AGBL1: variants seen among roughly 807,000 people sequenced by gnomAD.
The protein encoded by AGBL1 is cytosolic carboxypeptidase 4.
Under a neutral mutation model 118.9 loss-of-function variants are expected in AGBL1, and 130 were observed. That is an observed-to-expected ratio of 1.09 (90% CI 0.95 to 1.26). The LOEUF is 1.26. Ranked by LOEUF, AGBL1 falls within the 50% of genes most tolerant of loss-of-function variation. The pLI is 0.00. For missense variants in AGBL1, 1,584 were observed against 1,298.1 expected (o/e 1.22, Z -3.38); for synonymous variants, 555 against 478.9 (o/e 1.16, Z -2.08).
chr15:86,691,243 C>G (rs879618858), intron 22 of AGBL1, among the ~76,000 whole-genome samples: 4 of 152,118 alleles, frequency 2.6e-5, no homozygotes, highest in Non-Finnish European at 1.5e-5. Flanking sequence ...AAACACAAGG[C>G]TAATTATAAA....
intron 22 of AGBL1, among the ~76,000 whole-genome samples, chr15:86,837,003 A>G (rs768495107): frequency 6.6e-6 from 1 of 152,186 alleles, no homozygotes; most frequent in Non-Finnish European, 1.5e-5. Flanking sequence ...CTAATTTTGC[A>G]GTGCTCACAG....
chr15:86,326,999 G>T (rs965372023), intron 17 of AGBL1, among the ~76,000 whole-genome samples: 2 of 151,678 alleles, frequency 1.3e-5, no homozygotes, highest in Admixed American at 6.6e-5. Context: ...GTAGGAGAAG[G>T]ATTTGAGGAA....
intron 1 of AGBL1, among the ~76,000 whole-genome samples, chr15:86,132,063 G>T (rs894620875): frequency 6.6e-6 from 1 of 152,074 alleles, no homozygotes; most frequent in African/African-American, 2.4e-5. Flanking sequence ...GCTTCAGATT[G>T]GGGTAGGGAA....
At chr15:86,479,120 A>T (rs1391403522) in intron 18 of AGBL1, among the ~76,000 whole-genome samples, 1 of 152,258 alleles carries the variant, frequency 6.6e-6, no homozygotes, top group Non-Finnish European at 1.5e-5. Flanking sequence ...ACCTAAAACC[A>T]TAAAAACCCT....
chr15:86,895,378 T>A (rs960706652), intron 22 of AGBL1, among the ~76,000 whole-genome samples: 22 of 151,772 alleles, frequency 1.4e-4, no homozygotes, highest in African/African-American at 5.3e-4. Context: ...ACTTTCCAGT[T>A]CTTTATCTGA....
At chr15:86,587,102 AT>A (rs1374725015) in intron 21 of AGBL1, among the ~76,000 whole-genome samples, 2 of 152,170 alleles carry the variant, frequency 1.3e-5, no homozygotes, top group African/African-American at 4.8e-5. Flanking sequence ...TTACTGCTAA[AT>A]TATTCTGCTT....
chr15:86,780,657 C>CTTTTTTTTTTTTTTTTTTTTTTT (rs71144066), intron 22 of AGBL1, among the ~76,000 whole-genome samples: 1 of 143,004 alleles, frequency 7.0e-6, no homozygotes. Flanking sequence ...TCTTTAACTT[C>CTTTTTTTTTTTTTTTTTTTTTTT]TTTTTTTTTT....
At chr15:86,334,292 C>G (rs934624091) in intron 17 of AGBL1, among the ~76,000 whole-genome samples, 1 of 152,124 alleles carries the variant, frequency 6.6e-6, no homozygotes, top group Non-Finnish European at 1.5e-5. Flanking sequence ...CCACAAGGCT[C>G]CTAGAACTGA....
intron 5 of AGBL1, among the ~76,000 whole-genome samples, chr15:86,216,725 AT>A (rs1345932564): frequency 6.6e-6 from 1 of 152,168 alleles, no homozygotes; most frequent in Admixed American, 6.5e-5. Context: ...TTTAAAAAAA[AT>A]GTAGAGTTGT....
intron 21 of AGBL1, chr15:86,556,364 A>T (rs2142275083): frequency 3.9e-6 from 5 of 1,293,354 alleles, no homozygotes; most frequent in Admixed American, 1.8e-5. Flanking sequence ...ATGGAGGGAG[A>T]ACTGGCTAGA....
At chr15:86,884,678 G>A (rs1045611563) in intron 22 of AGBL1, among the ~76,000 whole-genome samples, 2 of 152,094 alleles carry the variant, frequency 1.3e-5, no homozygotes, top group African/African-American at 4.8e-5. Context: ...CAGATCTGGT[G>A]GTGTGCACCT....
chr15:86,410,839 T>TATATATATATATAAATAA (rs1311325970), intron 18 of AGBL1, among the ~76,000 whole-genome samples: 1 of 68,164 alleles, frequency 1.5e-5, no homozygotes, highest in Non-Finnish European at 2.7e-5. Flanking sequence ...TATATATATA[T>TATATATATATATAAATAA]ATAATATACT....
chr15:86,330,793 GA>G (rs1255468487), intron 17 of AGBL1, among the ~76,000 whole-genome samples: 1 of 152,018 alleles, frequency 6.6e-6, no homozygotes, highest in Admixed American at 6.5e-5. Context: ...AGAGTTTCTG[GA>G]ATTGGAAAAA....
chr15:86,990,580 T>A (rs536185963), intron 24 of AGBL1, among the ~76,000 whole-genome samples: 1 of 152,306 alleles, frequency 6.6e-6, no homozygotes, highest in African/African-American at 2.4e-5. Context: ...CAGCAAATAC[T>A]TTTATAGCAC....
intron 16 of AGBL1, among the ~76,000 whole-genome samples, chr15:86,292,294 T>G (rs1316256573): frequency 6.6e-6 from 1 of 151,964 alleles, no homozygotes; most frequent in Non-Finnish European, 1.5e-5. Context: ...GATGCAGAAG[T>G]CAGAGTGATG....
chr15:86,252,557 C>T (rs546887110), intron 7 of AGBL1, among the ~76,000 whole-genome samples: 2 of 152,256 alleles, frequency 1.3e-5, no homozygotes, highest in African/African-American at 4.8e-5. Context: ...GCAGTGTAGC[C>T]AGCAGGTGGG....
intron 21 of AGBL1, among the ~76,000 whole-genome samples, chr15:86,616,781 C>G (rs1189039987): frequency 6.6e-6 from 1 of 152,166 alleles, no homozygotes; most frequent in Admixed American, 6.5e-5. Context: ...CATCTCTACC[C>G]CTCAATTTCC....
chr15:86,173,633 A>G (rs1026182007), intron 5 of AGBL1, among the ~76,000 whole-genome samples: 1 of 152,134 alleles, frequency 6.6e-6, no homozygotes, highest in Non-Finnish European at 1.5e-5. Context: ...GCCGAGAGGT[A>G]GGGGTCTAGT....
chr15:86,450,247 A>G (rs902318862), intron 18 of AGBL1, among the ~76,000 whole-genome samples: 3 of 152,162 alleles, frequency 2.0e-5, no homozygotes, highest in Non-Finnish European at 2.9e-5. Context: ...ATCCTTGACT[A>G]TCCATTAGAT....
Sources: gnomAD v4.1 joint callset for allele counts (sites outside exome capture counted in the v4.1 genomes callset) on GRCh38, gnomAD v4.1.1 for gene constraint, MANE v1.5 for transcripts, NCBI Gene and HGNC (gene_info 2026-07-23, HGNC 2026-07-21) for gene names.